Variants in HDAC9 observed in about 807,000 individuals in gnomAD.
HDAC9 encodes MEF-2 interacting transcription repressor (MITR) protein.
A neutral mutation model predicts 139.4 loss-of-function variants in HDAC9; 41 were observed. That is an observed-to-expected ratio of 0.29 (90% CI 0.23 to 0.38). HDAC9 has a LOEUF of 0.38. Among genes scored for constraint, HDAC9 ranks in the 10% least tolerant of loss-of-function variants. The pLI, the probability that HDAC9 is intolerant of heterozygous loss-of-function variation, is 1.00. For missense variants in HDAC9, 1,147 were observed against 1,297.0 expected, an observed-to-expected ratio of 0.88 and a Z score of 1.78; for synonymous variants, 517 against 476.2, an observed-to-expected ratio of 1.09 and a Z score of -1.12.
intron 22 of HDAC9, among the ~76,000 whole-genome samples, chr7:18,880,383 A>G (rs1799642477): frequency 1.1e-4 from 17 of 152,280 alleles, no homozygotes; most frequent in Admixed American, 9.8e-4. Context: ...CACTATTCAC[A>G]ATAGCAGTGA....
At chr7:18,201,314 T>A (rs541612207) in intron 2 of HDAC9, among the ~76,000 whole-genome samples, 44 of 152,340 alleles carry the variant, frequency 2.9e-4, no homozygotes, top group Admixed American at 2.5e-3. Context: ...AGGGTGTTAT[T>A]TATGATACCA....
intron 22 of HDAC9, among the ~76,000 whole-genome samples, chr7:18,920,362 G>A (rs1333327569): frequency 2.0e-5 from 3 of 152,160 alleles, no homozygotes; most frequent in Non-Finnish European, 2.9e-5. Context: ...AGACTTTGCT[G>A]AAGTTGCTTA....
At chr7:18,314,497 G>T (rs561331029) in intron 1 of HDAC9, among the ~76,000 whole-genome samples, 1 of 152,284 alleles carries the variant, frequency 6.6e-6, no homozygotes, top group South Asian at 2.1e-4. Context: ...ATTGGAGTGA[G>T]GTTTTATTTC....
At chr7:18,658,162 C>T (rs1191490836) in intron 11 of HDAC9, among the ~76,000 whole-genome samples, 1 of 152,110 alleles carries the variant, frequency 6.6e-6, no homozygotes, top group Non-Finnish European at 1.5e-5. Context: ...CTTTCAGCTC[C>T]CTATCACTTC....
intron 14 of HDAC9, among the ~76,000 whole-genome samples, chr7:18,756,745 G>A: frequency 6.6e-6 from 1 of 152,172 alleles, no homozygotes; most frequent in East Asian, 1.9e-4. Flanking sequence ...AAGGACACGT[G>A]GGAGTCAGGA....
chr7:18,291,437 C>G (rs1454758218), intron 1 of HDAC9, among the ~76,000 whole-genome samples: 1 of 152,056 alleles, frequency 6.6e-6, no homozygotes, highest in Non-Finnish European at 1.5e-5. Context: ...TACAATAGCA[C>G]TGATCTCCTG....
intron 1 of HDAC9, among the ~76,000 whole-genome samples, chr7:18,409,488 T>G (rs539218625): frequency 2.4e-4 from 37 of 152,284 alleles, no homozygotes; most frequent in African/African-American, 8.2e-4. Context: ...TGGTAGTGCC[T>G]CTTTGAGACT....
At chr7:18,279,424 A>C (rs1796951017) in intron 2 of HDAC9, among the ~76,000 whole-genome samples, 1 of 151,728 alleles carries the variant, frequency 6.6e-6, no homozygotes, top group Non-Finnish European at 1.5e-5. Flanking sequence ...AGATGATGCA[A>C]AAAATTGGTC....
At chr7:18,115,215 C>T (rs923346666) in intron 1 of HDAC9, among the ~76,000 whole-genome samples, 1 of 151,594 alleles carries the variant, frequency 6.6e-6, no homozygotes, top group Non-Finnish European at 1.5e-5. Flanking sequence ...ATGGCATGAA[C>T]CCGGGAGGCA....
rs187033754 is a variant in HDAC9 at position 18,827,571 on chromosome 7, A to G, written c.2323-1590A>G. Among the ~76,000 whole-genome samples, 4 of 152,320 alleles carry G rather than the reference A, an allele frequency of 2.6e-5. No individual in the cohort carries two copies. The East Asian group carries it at 7.7e-4, about 29-fold the overall frequency. The stretch of plus-strand genomic sequence containing the variant: ...ATGGCTTCTCTCTGGGTTCTAAGCT[A>G]TGTTCATTTAATTACTAATTAAGTT... On this transcript the variant is annotated intron_variant, in intron 17 of 25. Coordinates refer to ENST00000686413, the MANE Select transcript of HDAC9 (RefSeq NM_178425.4).
intron 2 of HDAC9, among the ~76,000 whole-genome samples, chr7:18,516,470 C>A (rs146074990): frequency 6.6e-6 from 1 of 152,078 alleles, no homozygotes; most frequent in Non-Finnish European, 1.5e-5. Context: ...TACTTAAGAA[C>A]AGAAACAGGG....
At chr7:18,153,623 G>A (rs919575174) in intron 1 of HDAC9, among the ~76,000 whole-genome samples, 13 of 152,218 alleles carry the variant, frequency 8.5e-5, no homozygotes, top group Admixed American at 4.6e-4. Context: ...TGGTCCTTTC[G>A]TTACTTGAGC....
chr7:18,103,168 G>A (rs893905958), intron 1 of HDAC9, among the ~76,000 whole-genome samples: 2 of 152,014 alleles, frequency 1.3e-5, no homozygotes, highest in Non-Finnish European at 2.9e-5. Context: ...GATCTCATGA[G>A]ACTTGTTCAC....
At chr7:18,807,332 T>G (rs1480865953) in intron 17 of HDAC9, among the ~76,000 whole-genome samples, 2 of 152,116 alleles carry the variant, frequency 1.3e-5, no homozygotes, top group Non-Finnish European at 2.9e-5. Context: ...TCTGATATCT[T>G]TTTTTATTAG....
At chr7:18,649,106 G>A (rs1054585790) in intron 11 of HDAC9, among the ~76,000 whole-genome samples, 5 of 152,204 alleles carry the variant, frequency 3.3e-5, no homozygotes, top group African/African-American at 9.6e-5. Context: ...CAACTTGTAT[G>A]CATCTACGTT....
intron 1 of HDAC9, among the ~76,000 whole-genome samples, chr7:18,401,110 C>A (rs541592521): frequency 6.6e-6 from 1 of 152,244 alleles, no homozygotes; most frequent in East Asian, 1.9e-4. Context: ...TCATTTTGGT[C>A]ATGGCATGTC....
intron 2 of HDAC9, among the ~76,000 whole-genome samples, chr7:18,553,327 G>GT (rs1421815722): frequency 6.6e-6 from 1 of 152,028 alleles, no homozygotes; most frequent in Non-Finnish European, 1.5e-5. Flanking sequence ...AGAACCCTAT[G>GT]TTTTTAGGGT....
chr7:18,397,478 G>C (rs1341798784), intron 1 of HDAC9, among the ~76,000 whole-genome samples: 1 of 152,072 alleles, frequency 6.6e-6, no homozygotes, highest in Non-Finnish European at 1.5e-5. Context: ...TTGGGAGATG[G>C]ATCGTACACT....
chr7:18,291,543 A>G (rs1304199882), intron 1 of HDAC9, among the ~76,000 whole-genome samples: 2 of 152,182 alleles, frequency 1.3e-5, no homozygotes, highest in Non-Finnish European at 2.9e-5. Context: ...CTGTTGGTCA[A>G]AATTATTAGA....
Sources: allele counts gnomAD v4.1 joint callset (sites outside exome capture counted in the v4.1 genomes callset), GRCh38; gene constraint gnomAD v4.1.1; transcripts MANE v1.5; gene names NCBI Gene and HGNC (gene_info 2026-07-23, HGNC 2026-07-21).